The following ZRANB3 variants were observed in gnomAD, a reference collection of about 807,000 sequenced individuals.
The protein encoded by ZRANB3 is DNA annealing helicase and endonuclease ZRANB3.
A neutral mutation model predicts 133.8 loss-of-function variants in ZRANB3; 125 were observed. The ratio of observed to expected loss-of-function variants is 0.93; its 90% CI spans 0.81 to 1.08. The LOEUF is 1.08. Ranked by LOEUF, ZRANB3 falls within the 50% of genes least tolerant of loss-of-function variation. The pLI is 0.00. For missense variants in ZRANB3, 1,229 were observed against 1,275.5 expected, an observed-to-expected ratio of 0.96 and a Z score of 0.56; for synonymous variants, 387 against 432.7, an observed-to-expected ratio of 0.89 and a Z score of 1.31.
intron 2 of ZRANB3, among the ~76,000 whole-genome samples, chr2:135,431,045 C>A (rs558890329): frequency 7.3e-5 from 11 of 151,174 alleles, no homozygotes; most frequent in African/African-American, 2.7e-4. Flanking sequence ...GAGGCTGAGG[C>A]AGGAGGACTG....
chr2:135,285,219 A>C (rs1681297605), intron 8 of ZRANB3, among the ~76,000 whole-genome samples: 1 of 152,172 alleles, frequency 6.6e-6, no homozygotes, highest in South Asian at 2.1e-4. Context: ...TGCCACCTCA[A>C]AAACCTTACA....
At chr2:135,460,389 G>A (rs960342784) in intron 2 of ZRANB3, among the ~76,000 whole-genome samples, 6 of 151,870 alleles carry the variant, frequency 4.0e-5, no homozygotes, top group African/African-American at 1.5e-4. Flanking sequence ...AGTCTCCTGA[G>A]TGGCTGGGAT....
intron 2 of ZRANB3, among the ~76,000 whole-genome samples, chr2:135,480,776 G>A (rs13382564): frequency 1.0e-5 from 1 of 98,820 alleles, no homozygotes; most frequent in Non-Finnish European, 1.9e-5. Context: ...CCCCCCACCC[G>A]ACAACAGTCC....
intron 6 of ZRANB3, among the ~76,000 whole-genome samples, chr2:135,315,766 A>C (rs1281378001): frequency 6.6e-6 from 1 of 152,262 alleles, no homozygotes. Flanking sequence ...CACTGAGTTA[A>C]TGCAAGGCTG....
intron 17 of ZRANB3, among the ~76,000 whole-genome samples, chr2:135,212,760 A>T (rs2105045285): frequency 6.6e-6 from 1 of 152,248 alleles, no homozygotes; most frequent in Non-Finnish European, 1.5e-5. Flanking sequence ...GAAGATGGCA[A>T]TTTTTGCAAG....
At chr2:135,399,293 T>A (rs924845088) in intron 2 of ZRANB3, among the ~76,000 whole-genome samples, 1 of 152,210 alleles carries the variant, frequency 6.6e-6, no homozygotes, top group Non-Finnish European at 1.5e-5. Context: ...CATATGTGAA[T>A]TATAGATCAG....
intron 12 of ZRANB3, among the ~76,000 whole-genome samples, chr2:135,260,918 TAAAG>T (rs1313692427): frequency 1.4e-5 from 2 of 146,536 alleles, no homozygotes; most frequent in South Asian, 2.1e-4. Context: ...ATACTATATA[TAAAG>T]ATTTTGTATT....
chr2:135,510,568 C>A (rs1693407603), intron 1 of ZRANB3: 2 of 702,040 alleles, frequency 2.8e-6, no homozygotes, highest in Non-Finnish European at 5.1e-6. Context: ...AGCAAGCCTT[C>A]TTCCCACTCC....
intron 12 of ZRANB3, 65 bp downstream of exon 12, chr2:135,265,469 T>G: frequency 6.9e-7 from 1 of 1,459,832 alleles, no homozygotes; most frequent in Non-Finnish European, 9.1e-7. Context: ...TTTAAAACCA[T>G]ACATACAAAG....
chr2:135,507,682 G>GT (rs2104826399), intron 1 of ZRANB3, among the ~76,000 whole-genome samples: 1 of 151,000 alleles, frequency 6.6e-6, no homozygotes, highest in East Asian at 1.9e-4. Flanking sequence ...TCTTTGCTGG[G>GT]TGCAGTGGCT....
chr2:135,518,233 C>T (rs1693781297), intron 1 of ZRANB3, among the ~76,000 whole-genome samples: 1 of 152,098 alleles, frequency 6.6e-6, no homozygotes, highest in South Asian at 2.1e-4. Flanking sequence ...GAACACTTGG[C>T]TCCCTAGCTT....
intron 2 of ZRANB3, among the ~76,000 whole-genome samples, chr2:135,403,210 A>T (rs1274840507): frequency 6.6e-6 from 1 of 152,138 alleles, no homozygotes; most frequent in Non-Finnish European, 1.5e-5. Flanking sequence ...CTAGTCAAAC[A>T]AAGGGGTGAC....
chr2:135,395,672 G>A (rs1438349612), intron 2 of ZRANB3, among the ~76,000 whole-genome samples: 1 of 151,926 alleles, frequency 6.6e-6, no homozygotes, highest in African/African-American at 2.4e-5. Context: ...TGGCCAGGCT[G>A]GTCTCAAACA....
intron 2 of ZRANB3, among the ~76,000 whole-genome samples, chr2:135,458,407 A>G (rs1160587179): frequency 6.6e-6 from 1 of 152,094 alleles, no homozygotes; most frequent in African/African-American, 2.4e-5. Context: ...CAAAAAAAAA[A>G]GGCAACTGGA....
chr2:135,379,749 C>T (rs987036961), intron 3 of ZRANB3, among the ~76,000 whole-genome samples: 3 of 152,154 alleles, frequency 2.0e-5, no homozygotes, highest in African/African-American at 7.2e-5. Context: ...GAAACTACAT[C>T]AATTAACAGG....
chr2:135,352,113 C>T (rs185221621), intron 4 of ZRANB3, among the ~76,000 whole-genome samples: 1 of 152,120 alleles, frequency 6.6e-6, no homozygotes, highest in Non-Finnish European at 1.5e-5. Context: ...GGGTGGATCA[C>T]CTGAGATCAG....
At chr2:135,302,068 A>AACTCATTT (rs954019820) in intron 8 of ZRANB3, among the ~76,000 whole-genome samples, 2 of 152,214 alleles carry the variant, frequency 1.3e-5, no homozygotes, top group Non-Finnish European at 2.9e-5. Flanking sequence ...AGAACTCTGA[A>AACTCATTT]ACTCATTTTC....
At chr2:135,360,462 T>C (rs1573973497) in intron 3 of ZRANB3, among the ~76,000 whole-genome samples, 1 of 151,756 alleles carries the variant, frequency 6.6e-6, no homozygotes, top group Non-Finnish European at 1.5e-5. Flanking sequence ...TCCCAGCACT[T>C]TGGGAGGCCA....
chr2:135,258,052 G>A (rs1289795323), intron 12 of ZRANB3, among the ~76,000 whole-genome samples: 3 of 152,288 alleles, frequency 2.0e-5, no homozygotes, highest in Admixed American at 6.5e-5. Flanking sequence ...ACTTTGGGAG[G>A]CTGAAGTGGG....
Sources: allele counts gnomAD v4.1 joint callset (sites outside exome capture counted in the v4.1 genomes callset), GRCh38; gene constraint gnomAD v4.1.1; transcripts MANE v1.5; gene names NCBI Gene and HGNC (gene_info 2026-07-23, HGNC 2026-07-21).